Variants in TPRA1 observed in about 807,000 individuals in gnomAD.
The protein encoded by TPRA1 is transmembrane protein adipocyte-associated 1.
TPRA1 carries 28 observed loss-of-function variants against 40.1 expected under a neutral mutation model. That is an observed-to-expected ratio of 0.70 (90% CI 0.52 to 0.96). The LOEUF is 0.96. Among genes scored for constraint, TPRA1 ranks in the 40% least tolerant of loss-of-function variants. The probability of loss-of-function intolerance (pLI) is 0.00; values close to 1 mark genes in which losing one functional copy is unlikely to be tolerated. For missense variants in TPRA1, 441 were observed against 482.6 expected, an observed-to-expected ratio of 0.91 and a Z score of 0.81; for synonymous variants, 219 against 209.7, an observed-to-expected ratio of 1.04 and a Z score of -0.38.
In TPRA1 at chr3:127,575,456, T is replaced by G. The variant is rs764678489; in HGVS notation, c.720A>C (p.Leu240=). 3.1e-6 allele frequency: 5 copies of G among 1,603,350 alleles called. No individual in the cohort carries two copies. The highest frequency in any genetic ancestry group is 4.3e-6 in the Non-Finnish European group (5 of 1,175,218). Residue 240 remains leucine (L), a synonymous_variant, in exon 9 of 11, where the codon CTA becomes CTC. Coordinates refer to ENST00000355552, the MANE Select transcript of TPRA1 (RefSeq NM_001136053.4). ...GCAGCACACTCCCCAGCCCCTGCAG[T>G]AGGTTGAGCAGTGCCAGGATGCCCG... ...VYAGILALLN[L]LQGLGSVLLC...
intron 1 of TPRA1, chr3:127,597,870 G>C: frequency 6.4e-6 from 1 of 156,732 alleles, no homozygotes; most frequent in Non-Finnish European, 1.4e-5. Context: ...TGCAGTGGCG[G>C]GATCTCGGCT....
At chr3:127,594,338 C>T (rs911162996), upstream of TPRA1, among the ~76,000 whole-genome samples, 9 of 152,168 alleles carry the variant, frequency 5.9e-5, no homozygotes, top group African/African-American at 9.7e-5. Context: ...GGCTATGGGA[C>T]CCACAGACCC....
upstream of TPRA1, chr3:127,594,848 C>G (rs2074226188): frequency 1.3e-5 from 2 of 152,412 alleles, no homozygotes; most frequent in African/African-American, 4.8e-5. Context: ...AAGCCACAGG[C>G]TACAGATGGT....
chr3:127,575,266 C>T lies in TPRA1; in HGVS notation c.774-1G>A. ...CAGGAAGGTTGTGGCATCTACACAG[C>T]TGCGGAGAAGGCGGGTCAGCGCGGG... On this transcript the variant is annotated splice_acceptor_variant, in intron 9 of 10. Coordinates refer to ENST00000355552, the MANE Select transcript of TPRA1 (RefSeq NM_001136053.4). LOFTEE classifies it high-confidence loss of function. The T allele has an allele frequency of 6.2e-7, 1 of 1,613,730 alleles. No homozygotes were observed. The highest frequency in any genetic ancestry group is 8.5e-7 in the Non-Finnish European group (1 of 1,179,786).
At chr3:127,583,730 G>A (rs7630525) in intron 1 of TPRA1, among the ~76,000 whole-genome samples, 28,787 of 151,548 alleles carry the variant, frequency 0.19, 3,409 homozygotes, top group South Asian at 0.31. Context: ...GAGTGCAGTG[G>A]CGTGATCTCG....
At chr3:127,590,882 C>T (rs2074154094), upstream of TPRA1, 1 of 152,232 alleles carries the variant, frequency 6.6e-6, no homozygotes, top group Non-Finnish European at 1.5e-5. Context: ...AGCCCGCTGA[C>T]CTCTTAAAGA....
rs1479171762 is a variant in TPRA1 at position 127,573,637 on chromosome 3, TGCTCGAGTA to T, written c.997_1005del (p.Tyr333_Ser335del). On this transcript the variant is annotated inframe_deletion, in exon 11 of 11. Coordinates refer to ENST00000355552, the MANE Select transcript of TPRA1 (RefSeq NM_001136053.4). Reference sequence around the variant, plus strand: ...ACCCCGCCGGCAGAGTCGAACTGCGTGCTCGAGTAGCTGGCAGCTGAGGCCCCAGCAGCC... The same window carrying T: ...ACCCCGCCGGCAGAGTCGAACTGCGTGCTGGCAGCTGAGGCCCCAGCAGCC... 1.9e-6 allele frequency: 3 copies of T among 1,613,424 alleles called. No individual in the cohort carries two copies. The highest frequency in any genetic ancestry group is 2.5e-6 in the Non-Finnish European group (3 of 1,180,006).
intron 3 of TPRA1, among the ~76,000 whole-genome samples, chr3:127,578,041 C>T (rs2107633316): frequency 6.6e-6 from 1 of 152,330 alleles, no homozygotes; most frequent in Non-Finnish European, 1.5e-5. Context: ...AGATGGTGCC[C>T]CAGCAGCACT....
intron 1 of TPRA1, among the ~76,000 whole-genome samples, chr3:127,596,499 C>T (rs1012592826): frequency 2.6e-5 from 4 of 152,238 alleles, no homozygotes; most frequent in Non-Finnish European, 5.9e-5. Context: ...GTTGGTGTCT[C>T]TTAACTGTTG....
At position 127,573,306 on chromosome 3, in the gene TPRA1, C is replaced by T. The variant is rs780966746; in HGVS notation, c.*215G>A. The T allele has an allele frequency of 5.5e-5, 32 of 578,262 alleles. No individual in the cohort carries two copies. Among genetic ancestry groups the T allele is most frequent in the African/African-American group, 9.3e-5 (5 of 53,814 alleles). The allele number at this position is 578,262 out of a possible 1,614,324, so 35.8% of individuals were successfully genotyped here. A position where few individuals can be genotyped will look rare whatever the true frequency, so the allele number is the denominator to read the frequency against. ...GCCATGTCACTGAGCAGTATGAGAG[C>T]AGGTGGGAAGGGGAGGAGGGTCCCC... On this transcript the variant is annotated 3_prime_UTR_variant, in exon 11 of 11. Transcript: ENST00000355552.
At position 127,577,010 on chromosome 3, in the gene TPRA1, C is replaced by T. The variant is rs770138236; in HGVS notation, c.325G>A (p.Ala109Thr). 5.0e-6 allele frequency: 8 copies of T among 1,613,656 alleles called. No homozygotes were observed. In the East Asian group the frequency reaches 6.7e-5, roughly 13 times the overall value. ...CGCACCTTATCAGCAACAGTTGCAG[C>T]GTTCGAGGTGCTCACCGTCATGGAT... Reference protein sequence around the residue: ...VVSMTVSTSNAATVADKILWE... With the variant: ...VVSMTVSTSNTATVADKILWE... Residue 109 changes from alanine to threonine, a missense_variant, in exon 4 of 11, where the codon GCT becomes ACT. Transcript: ENST00000355552.
intron 1 of TPRA1, chr3:127,586,978 T>G (rs2074020624): frequency 6.6e-6 from 1 of 152,066 alleles, no homozygotes; most frequent in Non-Finnish European, 1.5e-5. Flanking sequence ...TTTCCTGAGG[T>G]GGAAACTCAG....
intron 1 of TPRA1, among the ~76,000 whole-genome samples, chr3:127,583,485 G>A (rs867899763): frequency 6.6e-6 from 1 of 152,080 alleles, no homozygotes; most frequent in African/African-American, 2.4e-5. Flanking sequence ...GTGACAGAGT[G>A]GGACCTTGCC....
At chr3:127,581,413 A>G (rs1402689837) in intron 1 of TPRA1, among the ~76,000 whole-genome samples, 1 of 152,210 alleles carries the variant, frequency 6.6e-6, no homozygotes, top group African/African-American at 2.4e-5. Context: ...GCCAGGCACA[A>G]GGGCCGACAG....
At chr3:127,584,206 G>A (rs1236697553) in intron 1 of TPRA1, among the ~76,000 whole-genome samples, 5 of 150,488 alleles carry the variant, frequency 3.3e-5, no homozygotes, top group Admixed American at 6.6e-5. Context: ...TTGGGAGGCC[G>A]AGGTGGGAGG....
upstream of TPRA1, chr3:127,591,097 G>A (rs1327132062): frequency 6.6e-6 from 1 of 152,208 alleles, no homozygotes; most frequent in Non-Finnish European, 1.5e-5. Context: ...GCCGCGGCCG[G>A]ACCGTCGGGG....
intron 1 of TPRA1, among the ~76,000 whole-genome samples, chr3:127,580,686 G>A (rs1248681344): frequency 1.3e-5 from 2 of 152,274 alleles, no homozygotes; most frequent in Admixed American, 6.5e-5. Flanking sequence ...GCAGAACTCA[G>A]AGGCCACTGA....
In TPRA1 at chr3:127,576,868, A is replaced by T; in HGVS notation, c.371T>A (p.Phe124Tyr). 1.9e-6 allele frequency: 3 copies of T among 1,613,880 alleles called. No individual in the cohort carries two copies. The African/African-American group carries it at 4.0e-5, about 22-fold the overall frequency. ...CACACTCAGCTCGATGGCCAGCAGG[A>T]AGAAGCGGGTGATCTCCCACAGGAT... ...DKILWEITRF[F>Y]LLAIELSVII... is the part of the protein sequence containing the mutation. The change falls in exon 5 of 11, where the codon TTC becomes TAC. Residue 124 changes from phenylalanine to tyrosine, a missense_variant. Phe to Tyr is a conservative substitution (Grantham distance 22). Transcript: ENST00000355552. This position sits in a 1 kb window ranked among gnomAD's most constrained non-coding sequence, Gnocchi z 4.6.
chr3:127,577,863 G>C (rs967967615), intron 3 of TPRA1, among the ~76,000 whole-genome samples: 1 of 152,242 alleles, frequency 6.6e-6, no homozygotes. Context: ...GAAGGGCATA[G>C]GCCCCAAGGG....
Sources: gnomAD v4.1 joint callset for allele counts (sites outside exome capture counted in the v4.1 genomes callset) on GRCh38, gnomAD v4.1.1 for gene constraint, Gnocchi (gnomAD v3.1) non-coding constraint, MANE v1.5 for transcripts, NCBI Gene and HGNC (gene_info 2026-07-23, HGNC 2026-07-21) for gene names.